RACGAP1: variants seen among roughly 807,000 people sequenced by gnomAD.
The protein encoded by RACGAP1 is rac GTPase-activating protein 1.
Under a neutral mutation model 78.1 loss-of-function variants are expected in RACGAP1, and 30 were observed. That is an observed-to-expected ratio of 0.38 (90% confidence interval 0.29 to 0.52). RACGAP1 has a LOEUF of 0.52. Ranked by LOEUF, RACGAP1 falls within the 20% of genes least tolerant of loss-of-function variation. The pLI, the probability that RACGAP1 is intolerant of heterozygous loss-of-function variation, is 0.82. For missense variants in RACGAP1, 587 were observed against 777.1 expected (o/e 0.76, Z 2.91); for synonymous variants, 231 against 264.8 (o/e 0.87, Z 1.24).
At position 50,006,492 on chromosome 12, in the gene RACGAP1, T is replaced by G; in HGVS notation, c.230A>C (p.Asn77Thr). 6.2e-7 allele frequency: 1 copy of G among 1,614,194 alleles called. No individual in the cohort carries two copies. The highest frequency in any genetic ancestry group is 8.5e-7 in the Non-Finnish European group (1 of 1,180,016). The change falls in exon 3 of 17, where the codon AAT (asparagine) becomes ACT (threonine). Residue 77 changes from asparagine to threonine, a missense_variant. By Grantham distance (65) the Asn-to-Thr change is moderately conservative. Coordinates refer to ENST00000312377, the MANE Select transcript of RACGAP1 (RefSeq NM_001319999.2). ...ALDVKLKHARNQVDVEIKRRQ... is the reference protein window; with the variant it reads ...ALDVKLKHARTQVDVEIKRRQ... ...CCGTTTGATCTCTACATCCACCTGA[T>G]TACGTGCATGCTTCAGCTTAACATC...
At chr12:50,018,412 A>C in intron 1 of RACGAP1, 1 of 686,794 alleles carries the variant, frequency 1.5e-6, no homozygotes, top group Non-Finnish European at 2.2e-6. Flanking sequence ...ATCTTTCTCT[A>C]AACTAAGAAC....
chr12:50,032,536 A>AGTGTGTGTGTGTGTGTGTGTGTGT (rs60239235), intron 1 of RACGAP1, among the ~76,000 whole-genome samples: 26 of 147,134 alleles, frequency 1.8e-4, no homozygotes, highest in African/African-American at 5.1e-4. Context: ...GGAAAAGGTG[A>AGTGTGTGTGTGTGTGTGTGTGTGT]GTGTGTGTGT....
chr12:49,999,195 C>T lies in RACGAP1; in HGVS notation c.825G>A (p.Val275=). 6.2e-7 allele frequency: 1 copy of T among 1,614,074 alleles called. No homozygotes were observed. The highest frequency in any genetic ancestry group is 1.3e-5 in the African/African-American group (1 of 75,044). The change falls in exon 9 of 17, where the codon GTG becomes GTA. Residue 275 remains valine (V), a synonymous_variant. Transcript: ENST00000312377. ...QLEPRTETDS[V]GTPQSNGGMR... Reference sequence around the variant, plus strand: ...TCCCTCCATTACTCTGTGGCGTGCCCACACTGTCTGTCTCAGTTCTTGGCT... The same window carrying T: ...TCCCTCCATTACTCTGTGGCGTGCCTACACTGTCTGTCTCAGTTCTTGGCT...
intron 2 of RACGAP1, among the ~76,000 whole-genome samples, chr12:50,009,094 T>G (rs1949149360): frequency 6.6e-6 from 1 of 151,886 alleles, no homozygotes; most frequent in Admixed American, 6.6e-5. Context: ...CTGGCCAACA[T>G]GGTGAAACCC....
In RACGAP1 at chr12:50,000,018, A is replaced by ATTTTTTTTTTTTTTTTTTTTT. The variant is rs757681041; in HGVS notation, c.631-286_631-285insAAAAAAAAAAAAAAAAAAAAA. On this transcript the variant is annotated intron_variant, in intron 7 of 16. Coordinates refer to ENST00000312377, the MANE Select transcript of RACGAP1 (RefSeq NM_001319999.2). ...AAGCATGCGCCACCACACCTGACTG[A>ATTTTTTTTTTTTTTTTTTTTT]TTTTTTTTTTTTTGAGACGGAGTCT... Among the ~76,000 whole-genome samples, 2 of 99,642 alleles carry ATTTTTTTTTTTTTTTTTTTTT rather than the reference A, an allele frequency of 2.0e-5. 1 individual carries two copies. The allele number at this position is 99,642 out of a possible 152,430, so 65.4% of individuals were successfully genotyped here. A position where few individuals can be genotyped will look rare whatever the true frequency, so the allele number is the denominator to read the frequency against.
chr12:49,991,479 ATTTTTTT>A (rs1197357619), intron 15 of RACGAP1, among the ~76,000 whole-genome samples: 267 of 24,030 alleles, frequency 0.011, 2 homozygotes, highest in African/African-American at 0.03. Context: ...ATATATATAT[ATTTTTTT>A]TTTTTTTTTT....
At chr12:50,029,949 T>C (rs573978084), upstream of RACGAP1, among the ~76,000 whole-genome samples, 305 of 152,196 alleles carry the variant, frequency 2.0e-3, 1 homozygote, top group Non-Finnish European at 3.8e-3. Context: ...ATGATGACTA[T>C]GTGAAGTGAT....
intron 9 of RACGAP1, among the ~76,000 whole-genome samples, chr12:49,998,379 G>A (rs1948446159): frequency 6.6e-6 from 1 of 151,930 alleles, no homozygotes; most frequent in African/African-American, 2.4e-5. Flanking sequence ...ACTCCAGCCT[G>A]GGCAACAGAG....
chr12:50,033,313 G>T (rs73297492), upstream of RACGAP1, among the ~76,000 whole-genome samples: 586 of 151,134 alleles, frequency 3.9e-3, 4 homozygotes, highest in African/African-American at 0.014. Context: ...GGCCTGCAGC[G>T]CAGAGTGCGG....
At chr12:50,000,461 A>G (rs1420972098) in intron 7 of RACGAP1, among the ~76,000 whole-genome samples, 1 of 151,918 alleles carries the variant, frequency 6.6e-6, no homozygotes, top group East Asian at 2.0e-4. Flanking sequence ...GACCTGAAAC[A>G]TTCTTATGTT....
At chr12:50,016,009 A>C (rs964600595) in intron 2 of RACGAP1, among the ~76,000 whole-genome samples, 4 of 152,072 alleles carry the variant, frequency 2.6e-5, no homozygotes, top group Non-Finnish European at 5.9e-5. Context: ...TCTAAAGAAA[A>C]AAGCAACATC....
At position 49,994,191 on chromosome 12, in the gene RACGAP1, G is replaced by A. The variant is rs752168418; in HGVS notation, c.1279C>T (p.Arg427Ter). ...AICSLLKDFLRNLKEPLLTFR... is the reference protein window; with the variant it reads ...AICSLLKDFL Reference sequence around the variant, plus strand: ...GTCAGAAGAGGTTCTTTGAGGTTTCGAAGAAAGTCTTTTAGAAGGCTACAG... The same window carrying A: ...GTCAGAAGAGGTTCTTTGAGGTTTCAAAGAAAGTCTTTTAGAAGGCTACAG... The change falls in exon 12 of 17, where the codon CGA (arginine) becomes TGA (stop). Residue 427 changes from arginine to a stop codon, truncating the protein, a stop_gained. Coordinates refer to ENST00000312377, the MANE Select transcript of RACGAP1 (RefSeq NM_001319999.2). LOFTEE classifies it high-confidence loss of function. 1.9e-6 allele frequency: 3 copies of A among 1,613,966 alleles called. No individual in the cohort carries two copies. The highest frequency in any genetic ancestry group is 1.7e-4 in the Middle Eastern group (1 of 5,958).
chr12:50,028,534 C>T (rs1012890659), upstream of RACGAP1, among the ~76,000 whole-genome samples: 4 of 152,150 alleles, frequency 2.6e-5, no homozygotes, highest in African/African-American at 7.2e-5. Context: ...TTTGGGAGGC[C>T]GAGGCCTGTG....
At chr12:50,016,909 C>T (rs1329838399) in intron 1 of RACGAP1, 190 bp from the exon 2 acceptor site, 5 of 1,349,164 alleles carry the variant, frequency 3.7e-6, no homozygotes, top group Admixed American at 3.5e-5. Flanking sequence ...ATGTTTAAGA[C>T]TCATCTGAAA....
At chr12:50,000,114 C>T (rs1025137556) in intron 7 of RACGAP1, among the ~76,000 whole-genome samples, 5 of 151,312 alleles carry the variant, frequency 3.3e-5, no homozygotes, top group African/African-American at 7.3e-5. Flanking sequence ...CCCGGGTTCA[C>T]GCCATTCTCC....
chr12:50,021,929 AATACAACTGGCGG>A (rs1950030376), intron 1 of RACGAP1, among the ~76,000 whole-genome samples: 1 of 152,236 alleles, frequency 6.6e-6, no homozygotes, highest in Non-Finnish European at 1.5e-5. Context: ...GAAAGTCTCT[AATACAACTGGCGG>A]ACAGAAGGAT....
intron 6 of RACGAP1, 81 bp downstream of exon 6, chr12:50,002,166 A>G: frequency 9.4e-7 from 1 of 1,062,472 alleles, no homozygotes. Context: ...ACATGACAGG[A>G]ATGCAGTATC....
chr12:50,016,835 T>C, intron 1 of RACGAP1, 116 bp from the exon 2 acceptor site: 2 of 1,395,282 alleles, frequency 1.4e-6, no homozygotes, highest in Non-Finnish European at 1.9e-6. Context: ...ATAACTACCA[T>C]TATAAGAATC....
At chr12:50,016,544 T>TTAAGATTGGAAAATACTTCAGCTTTG in intron 2 of RACGAP1, 87 bp downstream of exon 2, 6 of 1,411,070 alleles carry the variant, frequency 4.3e-6, no homozygotes, top group Non-Finnish European at 6.0e-6. Context: ...GAAAACAACT[T>TTAAGATTGGAAAATACTTCAGCTTTG]TAAGATTGGA....
Sources: gnomAD v4.1 joint callset for allele counts (sites outside exome capture counted in the v4.1 genomes callset) on GRCh38, gnomAD v4.1.1 for gene constraint, MANE v1.5 for transcripts, NCBI Gene and HGNC (gene_info 2026-07-23, HGNC 2026-07-21) for gene names.